Variants in ADNP2 observed in about 807,000 individuals in gnomAD.
The protein encoded by ADNP2 is activity-dependent neuroprotector homeobox protein 2.
ADNP2 carries 8 observed loss-of-function variants against 16.4 expected under a neutral mutation model. The observed-to-expected ratio is 0.49, with a 90% confidence interval of 0.29 to 0.88. The LOEUF (loss-of-function observed/expected upper bound fraction) is 0.88, where lower values mean the gene tolerates loss of function less well. Ranked by LOEUF, ADNP2 falls within the 40% of genes least tolerant of loss-of-function variation. The pLI is 0.09. For synonymous variants in ADNP2, 637 were observed against 545.8 expected (o/e 1.17, Z -2.33); for missense variants, 1,397 against 1,395.1 (o/e 1.00, Z -0.02).
rs1379527489 is a variant in ADNP2 at position 80,109,302 on chromosome 18, G to A, written c.-184G>A. On this transcript the variant is annotated 5_prime_UTR_variant, in exon 1 of 4. Transcript: ENST00000262198. ...TCTCTTTCTGGCTGCGCGGGAGGAG[G>A]GGACCAGTCGCGCTGGGGGTGGGCG... 1 of 151,542 alleles carries A rather than the reference G, an allele frequency of 6.6e-6. No individual in the cohort carries two copies. The highest frequency in any genetic ancestry group is 1.5e-5 in the Non-Finnish European group (1 of 67,858). The allele number at this position is 151,542 out of a possible 1,614,324, so 9.4% of individuals were successfully genotyped here.
At chr18:80,116,026 A>G (rs956909771) in intron 1 of ADNP2, among the ~76,000 whole-genome samples, 1 of 151,992 alleles carries the variant, frequency 6.6e-6, no homozygotes, top group Admixed American at 6.6e-5. Flanking sequence ...TGGCCTCCCA[A>G]AGTGCTGGGA....
chr18:80,111,398 G>A (rs2052355974), intron 1 of ADNP2, among the ~76,000 whole-genome samples: 1 of 152,126 alleles, frequency 6.6e-6, no homozygotes. Flanking sequence ...GAGAGAGTAA[G>A]TGATTTCCTG....
At position 80,137,479 on chromosome 18, in the gene ADNP2, A is replaced by G; in HGVS notation, c.2066A>G (p.Gln689Arg). The G allele has an allele frequency of 6.2e-7, 1 of 1,614,224 alleles. No individual in the cohort carries two copies. Among genetic ancestry groups the G allele is most frequent in the Non-Finnish European group, 8.5e-7 (1 of 1,180,034 alleles). ...GCAGACACAAACCAGGTGCTCAAAC[A>G]GGCCAAGCAGTGGAAGACCTGCCCT... ...SAADTNQVLK[Q>R]AKQWKTCPVC... is the part of the protein sequence containing the mutation. The change falls in exon 4 of 4, where the codon CAG becomes CGG. Residue 689 changes from glutamine to arginine, a missense_variant. Transcript: ENST00000262198. The surrounding 1 kb of genome is among the most constrained non-coding windows in gnomAD (Gnocchi z 4.2).
intron 2 of ADNP2, among the ~76,000 whole-genome samples, chr18:80,120,014 G>A (rs1242701093): frequency 6.6e-6 from 1 of 152,298 alleles, no homozygotes; most frequent in East Asian, 1.9e-4. Context: ...GTGAGTGAGA[G>A]AGTGGTTATA....
chr18:80,131,024 G>A (rs1461811359), intron 2 of ADNP2, among the ~76,000 whole-genome samples: 2 of 152,210 alleles, frequency 1.3e-5, no homozygotes, highest in Non-Finnish European at 2.9e-5. Flanking sequence ...GTTCTGTGGA[G>A]CTTGTAATTG....
chr18:80,119,553 T>A (rs2052411377), intron 2 of ADNP2, among the ~76,000 whole-genome samples: 1 of 152,204 alleles, frequency 6.6e-6, no homozygotes, highest in South Asian at 2.1e-4. Context: ...TCGCTCTGCC[T>A]TCTTGTAAGA....
At chr18:80,122,328 T>G (rs2052430207) in intron 2 of ADNP2, among the ~76,000 whole-genome samples, 1 of 152,234 alleles carries the variant, frequency 6.6e-6, no homozygotes, top group African/African-American at 2.4e-5. Flanking sequence ...TCTGGCTTTT[T>G]GGGGCCCCTT....
intron 1 of ADNP2, among the ~76,000 whole-genome samples, chr18:80,110,297 ATAAT>A (rs2052349650): frequency 1.3e-5 from 2 of 152,214 alleles, no homozygotes; most frequent in African/African-American, 4.8e-5. Flanking sequence ...AGAATGAGAA[ATAAT>A]TAGATATTTT....
chr18:80,134,163 T>C (rs2052516119), intron 3 of ADNP2, among the ~76,000 whole-genome samples: 1 of 152,196 alleles, frequency 6.6e-6, no homozygotes, highest in Non-Finnish European at 1.5e-5. Context: ...ATGCCTCATT[T>C]AGCAGATCTT....
In ADNP2 at chr18:80,137,017, A is replaced by G; in HGVS notation, c.1604A>G (p.Asn535Ser). 2 of 1,613,902 alleles carry G rather than the reference A, an allele frequency of 1.2e-6. No homozygotes were observed. Among genetic ancestry groups the G allele is most frequent in the East Asian group, 2.2e-5 (1 of 44,848 alleles). The part of the protein sequence containing the change: ...TVSSSAVVPV[N>S]QGVNSGVLQL... Reference sequence around the variant, plus strand: ...TCCTCCTCAGCTGTTGTGCCTGTAAACCAGGGTGTGAATTCTGGTGTTCTG... The same window carrying G: ...TCCTCCTCAGCTGTTGTGCCTGTAAGCCAGGGTGTGAATTCTGGTGTTCTG... Residue 535 changes from asparagine to serine, a missense_variant, in exon 4 of 4, where the codon AAC becomes AGC. Transcript: ENST00000262198. The surrounding 1 kb of genome is among the most constrained non-coding windows in gnomAD (Gnocchi z 4.2).
rs995815031 is a variant in ADNP2, at chr18:80,136,940, C to T, written c.1527C>T (p.Ile509=). The T allele has an allele frequency of 1.2e-6, 2 of 1,613,824 alleles. No homozygotes were observed. The highest frequency in any genetic ancestry group is 1.7e-6 in the Non-Finnish European group (2 of 1,179,810). ...PPGQTAPLRV[I]SAGQVVPSGL... is the part of the protein sequence containing the mutation. ...GCCAGACAGCCCCATTGAGGGTTAT[C>T]TCTGCAGGCCAGGTGGTCCCGTCTG... The change falls in exon 4 of 4, where the codon ATC becomes ATT. Residue 509 remains isoleucine, a synonymous_variant. Transcript: ENST00000262198.
rs147598283 is a variant in ADNP2, at chr18:80,138,411, C to G, written c.2998C>G (p.Leu1000Val). The G allele has an allele frequency of 1.2e-6, 2 of 1,613,924 alleles. No individual in the cohort carries two copies. The highest frequency in any genetic ancestry group is 1.7e-6 in the Non-Finnish European group (2 of 1,180,030). Reference protein sequence around the residue: ...QRHGEEQPPILNADAAPGPEK... With the variant: ...QRHGEEQPPIVNADAAPGPEK... ...GCATGGGGAGGAGCAGCCTCCCATCCTAAATGCCGATGCAGCCCCGGGTCC... is the reference window on the plus strand; with the variant it reads ...GCATGGGGAGGAGCAGCCTCCCATCGTAAATGCCGATGCAGCCCCGGGTCC... The change falls in exon 4 of 4, where the codon CTA (leucine) becomes GTA (valine). Residue 1000 changes from leucine (L) to valine (V), a missense_variant. Leu to Val is a conservative substitution (Grantham distance 32). This residue lies in a region of ADNP2 where 611 missense variants were observed against 648.7 expected (regional missense o/e 0.94). Coordinates refer to ENST00000262198, the MANE Select transcript of ADNP2 (RefSeq NM_014913.4).
Position 80,123,147 on chromosome 18 carries a change from C to G in ADNP2, c.108+5497C>G, listed in dbSNP as rs756780779. Among the ~76,000 whole-genome samples, 41 of 152,058 alleles carry G rather than the reference C, an allele frequency of 2.7e-4. 1 individual carries two copies. Among genetic ancestry groups the G allele is most frequent in the Non-Finnish European group, 5.4e-4 (37 of 68,008 alleles). ...GATATATTTTCTTATGTTGAAGCCC[C>G]TTTGCATTCTTGGGATGGAATGCAC... On this transcript the variant is annotated intron_variant, in intron 2 of 3. Transcript: ENST00000262198.
intron 2 of ADNP2, among the ~76,000 whole-genome samples, chr18:80,128,621 G>A (rs9304060): frequency 0.18 from 27,318 of 152,154 alleles, 2,737 homozygotes; most frequent in Middle Eastern, 0.25. Flanking sequence ...CTGCACTCCA[G>A]CCTGGGCGAC....
intron 1 of ADNP2, among the ~76,000 whole-genome samples, chr18:80,116,080 T>A (rs1207568072): frequency 6.6e-6 from 1 of 152,250 alleles, no homozygotes; most frequent in Non-Finnish European, 1.5e-5. Flanking sequence ...TTGTGCTTTC[T>A]ATGGATTTGC....
chr18:80,120,149 G>A (rs1384723792), intron 2 of ADNP2, among the ~76,000 whole-genome samples: 1 of 152,090 alleles, frequency 6.6e-6, no homozygotes, highest in Non-Finnish European at 1.5e-5. Context: ...CTGAGGCTCC[G>A]AGCCCTTGGC....
intron 1 of ADNP2, among the ~76,000 whole-genome samples, chr18:80,114,846 A>G (rs1376410171): frequency 6.6e-6 from 1 of 152,064 alleles, no homozygotes; most frequent in Admixed American, 6.5e-5. Context: ...CTCAAGAGGC[A>G]TCTTCACTCC....
At position 80,136,468 on chromosome 18, in the gene ADNP2, C is replaced by G. The variant is rs2052535755; in HGVS notation, c.1055C>G (p.Pro352Arg). The G allele has an allele frequency of 6.2e-7, 1 of 1,614,030 alleles. No individual in the cohort carries two copies. Among genetic ancestry groups the G allele is most frequent in the Non-Finnish European group, 8.5e-7 (1 of 1,180,034 alleles). The change falls in exon 4 of 4, where the codon CCT becomes CGT. Residue 352 changes from proline (P) to arginine (R), a missense_variant. Transcript: ENST00000262198. ...AGCCTCACCCTGCAGCCCCCAGCAC[C>G]TCAGCCCGTCTTTCTTTCTCACGGG... Reference protein sequence around the residue: ...QNSLTLQPPAPQPVFLSHGVP... With the variant: ...QNSLTLQPPARQPVFLSHGVP...
At chr18:80,124,918 C>A (rs914757176) in intron 2 of ADNP2, among the ~76,000 whole-genome samples, 2 of 151,992 alleles carry the variant, frequency 1.3e-5, no homozygotes, top group African/African-American at 4.8e-5. Context: ...CTTGAATTTT[C>A]AAAAATTTCA....
Sources: allele counts gnomAD v4.1 joint callset (sites outside exome capture counted in the v4.1 genomes callset), GRCh38; gene constraint gnomAD v4.1.1; regional missense constraint gnomAD v4.1.1; non-coding constraint Gnocchi (gnomAD v3.1); transcripts MANE v1.5; gene names NCBI Gene and HGNC (gene_info 2026-07-23, HGNC 2026-07-21).